Variants in WWOX observed in about 807,000 individuals in gnomAD.
WWOX encodes WW domain-containing oxidoreductase.
WWOX carries 69 observed loss-of-function variants against 46.2 expected under a neutral mutation model. That is an observed-to-expected ratio of 1.49 (90% CI 1.23 to 1.82). The LOEUF (loss-of-function observed/expected upper bound fraction) is 1.82, where lower values mean the gene tolerates loss of function less well. Ranked by LOEUF, WWOX falls within the 40% of genes most tolerant of loss-of-function variation. WWOX has a pLI of 0.00. For synonymous variants in WWOX, 359 were observed against 202.6 expected, an observed-to-expected ratio of 1.77 and a Z score of -6.56; for missense variants, 919 against 542.6, an observed-to-expected ratio of 1.69 and a Z score of -6.89.
intron 8 of WWOX, among the ~76,000 whole-genome samples, chr16:78,740,046 C>T (rs2049179505): frequency 6.6e-6 from 1 of 152,258 alleles, no homozygotes; most frequent in South Asian, 2.1e-4. Context: ...ATTTGACCAC[C>T]TAACTGACCC....
At chr16:78,966,739 A>G (rs978531872) in intron 8 of WWOX, among the ~76,000 whole-genome samples, 1 of 152,202 alleles carries the variant, frequency 6.6e-6, no homozygotes, top group Non-Finnish European at 1.5e-5. Context: ...AACTCTTTTC[A>G]TGGTCTGCTG....
At chr16:79,142,730 A>G (rs1405539322) in intron 8 of WWOX, among the ~76,000 whole-genome samples, 1 of 152,186 alleles carries the variant, frequency 6.6e-6, no homozygotes, top group Non-Finnish European at 1.5e-5. Context: ...ATAGGGTCTC[A>G]TTCCGTTCCC....
chr16:78,668,854 G>T (rs1044223797), intron 8 of WWOX, among the ~76,000 whole-genome samples: 1 of 152,160 alleles, frequency 6.6e-6, no homozygotes. Flanking sequence ...GATGAGACAC[G>T]TGGTGTTCAC....
chr16:78,987,417 G>C (rs1461984465), intron 8 of WWOX, among the ~76,000 whole-genome samples: 1 of 152,142 alleles, frequency 6.6e-6, no homozygotes, highest in African/African-American at 2.4e-5. Flanking sequence ...GTTCATGCTG[G>C]AGCTCCTGCC....
chr16:78,347,952 C>T (rs1457349786), intron 5 of WWOX, among the ~76,000 whole-genome samples: 1 of 122,320 alleles, frequency 8.2e-6, no homozygotes, highest in African/African-American at 2.8e-5. Flanking sequence ...TATGAAGGCT[C>T]GCCTGAAAGG....
At chr16:79,010,884 C>T (rs116023968) in intron 8 of WWOX, among the ~76,000 whole-genome samples, 69 of 151,768 alleles carry the variant, frequency 4.5e-4, no homozygotes, top group African/African-American at 1.4e-3. Context: ...GAACAGAGAG[C>T]GAGAGGGCAG....
intron 6 of WWOX, among the ~76,000 whole-genome samples, chr16:78,413,914 C>G (rs1256264502): frequency 1.3e-5 from 2 of 151,776 alleles, no homozygotes; most frequent in Non-Finnish European, 1.5e-5. Flanking sequence ...TGAGCCCAAG[C>G]TGAGCCGTCA....
intron 5 of WWOX, among the ~76,000 whole-genome samples, chr16:78,205,756 C>T (rs1042795748): frequency 6.6e-6 from 1 of 152,078 alleles, no homozygotes. Flanking sequence ...TCCATCTATT[C>T]ATCTACCCAC....
intron 8 of WWOX, among the ~76,000 whole-genome samples, chr16:78,967,211 T>G (rs12921269): frequency 0.064 from 9,619 of 151,280 alleles, 418 homozygotes; most frequent in Non-Finnish European, 0.096. Context: ...GGAAAATGCG[T>G]GATTCAAATC....
At chr16:78,540,033 C>CACAT (rs1298855381) in intron 8 of WWOX, among the ~76,000 whole-genome samples, 1 of 151,284 alleles carries the variant, frequency 6.6e-6, no homozygotes, top group Admixed American at 6.6e-5. Context: ...CACACACACA[C>CACAT]ACACACACAC....
intron 8 of WWOX, among the ~76,000 whole-genome samples, chr16:79,155,855 C>T (rs2050371351): frequency 6.6e-6 from 1 of 150,900 alleles, no homozygotes; most frequent in Non-Finnish European, 1.5e-5. Context: ...AGGACTAATA[C>T]ATATAAGAAG....
rs576085851 is a variant in WWOX at position 78,828,938 on chromosome 16, T to C, written c.1057-382670T>C. Reference sequence around the variant, plus strand: ...TTAGAGATAAGGTAATCAAAACTTATAGAGGTTAAAGGGACTTGCCAAAGC... The same window carrying C: ...TTAGAGATAAGGTAATCAAAACTTACAGAGGTTAAAGGGACTTGCCAAAGC... On this transcript the variant is annotated intron_variant, in intron 8 of 8. Transcript: ENST00000566780. 1.6e-4 allele frequency among the ~76,000 whole-genome samples: 25 copies of C among 152,192 alleles called. 1 individual carries two copies. The highest frequency in any genetic ancestry group is 4.1e-4 in the South Asian group (2 of 4,828).
At chr16:78,988,562 G>T (rs943460168) in intron 8 of WWOX, among the ~76,000 whole-genome samples, 1 of 151,910 alleles carries the variant, frequency 6.6e-6, no homozygotes, top group Non-Finnish European at 1.5e-5. Flanking sequence ...AGGTCCCAGC[G>T]GAATAAACAT....
intron 8 of WWOX, among the ~76,000 whole-genome samples, chr16:78,659,083 A>G (rs1567470271): frequency 6.7e-6 from 1 of 149,854 alleles, no homozygotes; most frequent in Admixed American, 6.6e-5. Flanking sequence ...TAGAGTGAGA[A>G]TCCGTCTCAA....
At chr16:78,569,681 G>A (rs1424193546) in intron 8 of WWOX, among the ~76,000 whole-genome samples, 2 of 152,178 alleles carry the variant, frequency 1.3e-5, no homozygotes, top group South Asian at 4.1e-4. Context: ...CTCTCAGTGA[G>A]CAGGAAAATT....
At chr16:78,822,641 T>C (rs766301917) in intron 8 of WWOX, among the ~76,000 whole-genome samples, 2 of 152,196 alleles carry the variant, frequency 1.3e-5, no homozygotes, top group Non-Finnish European at 2.9e-5. Context: ...TCCTAATGGG[T>C]GGAATATTAT....
At chr16:78,726,397 TAAA>T (rs2048838225) in intron 8 of WWOX, among the ~76,000 whole-genome samples, 1 of 151,882 alleles carries the variant, frequency 6.6e-6, no homozygotes, top group Admixed American at 6.6e-5. Context: ...GGCGTATTTT[TAAA>T]TTATTTGTGG....
intron 5 of WWOX, among the ~76,000 whole-genome samples, chr16:78,220,747 G>A (rs2036860604): frequency 6.6e-6 from 1 of 152,172 alleles, no homozygotes; most frequent in African/African-American, 2.4e-5. Flanking sequence ...GAAAGGACCA[G>A]AATGGCAGTT....
In WWOX at chr16:78,349,871, T is replaced by G. The variant is rs1244113642; in HGVS notation, c.517-36989T>G. Among the ~76,000 whole-genome samples, 9 of 121,178 alleles carry G rather than the reference T, an allele frequency of 7.4e-5. 3 individuals are homozygous for G. The highest frequency in any genetic ancestry group is 2.5e-4 in the African/African-American group (9 of 35,802). 79.5% of individuals were successfully genotyped at this position (121,178 alleles called of 152,430 possible). A position where few individuals can be genotyped will look rare whatever the true frequency, so the allele number is the denominator to read the frequency against. ...GATTTTGTATTTCTGGGCTCAGCTT[T>G]TGACTCAGTCTCATTCCCCAGAAAT... On this transcript the variant is annotated intron_variant, in intron 5 of 8. Transcript: ENST00000566780.
Sources: gnomAD v4.1 joint callset for allele counts (sites outside exome capture counted in the v4.1 genomes callset) on GRCh38, gnomAD v4.1.1 for gene constraint, MANE v1.5 for transcripts, NCBI Gene and HGNC (gene_info 2026-07-23, HGNC 2026-07-21) for gene names.